The following STK31 variants were observed in gnomAD, a reference collection of about 807,000 sequenced individuals.
STK31 encodes the protein serine/threonine-protein kinase 31.
Under a neutral mutation model 129.7 loss-of-function variants are expected in STK31, and 89 were observed. The observed-to-expected ratio is 0.69, with a 90% CI of 0.58 to 0.82. The LOEUF is 0.82. STK31 is among the 40% of genes least tolerant of loss of function. STK31 has a pLI of 0.00. For missense variants in STK31, 1,187 were observed against 1,176.4 expected, an observed-to-expected ratio of 1.01 and a Z score of -0.13; for synonymous variants, 448 against 395.3, an observed-to-expected ratio of 1.13 and a Z score of -1.58.
chr7:23,782,680 C>T (rs996448355), intron 16 of STK31, among the ~76,000 whole-genome samples: 4 of 151,988 alleles, frequency 2.6e-5, no homozygotes, highest in African/African-American at 7.2e-5. Flanking sequence ...GCTTTTCTTT[C>T]GTGAGGGTAC....
chr7:23,717,430 C>A, intron 3 of STK31, 51 bp from the exon 4 acceptor site: 2 of 1,303,902 alleles, frequency 1.5e-6, no homozygotes, highest in South Asian at 1.3e-5. Context: ...AAGCGTGTAA[C>A]ACTGTAAAAT....
At chr7:23,809,263 C>T (rs1353165988) in intron 22 of STK31, among the ~76,000 whole-genome samples, 1 of 151,516 alleles carries the variant, frequency 6.6e-6, no homozygotes, top group East Asian at 2.0e-4. Flanking sequence ...CACTGCATTA[C>T]TTTAATTGAG....
intron 18 of STK31, among the ~76,000 whole-genome samples, chr7:23,785,815 C>T (rs563206982): frequency 5.5e-4 from 51 of 91,954 alleles, no homozygotes; most frequent in African/African-American, 1.9e-3. Flanking sequence ...GGACACAGGG[C>T]GGGGAACATC....
chr7:23,759,110 C>G (rs1240038698), intron 10 of STK31, among the ~76,000 whole-genome samples: 2 of 152,134 alleles, frequency 1.3e-5, no homozygotes, highest in Non-Finnish European at 2.9e-5. Context: ...TATATGCACC[C>G]AAGGAGCACC....
At chr7:23,805,060 C>A (rs1391766673) in intron 22 of STK31, among the ~76,000 whole-genome samples, 2 of 150,924 alleles carry the variant, frequency 1.3e-5, no homozygotes, top group Admixed American at 1.3e-4. Context: ...GTAAAACATT[C>A]TTTCTCATTT....
In STK31 at chr7:23,769,100, G is replaced by A. The variant is rs1455910877; in HGVS notation, c.1522G>A (p.Glu508Lys). ...FYDWKCDKREEFTSVRSETDA... is the reference protein window; with the variant it reads ...FYDWKCDKREKFTSVRSETDA... ...TGACTGGAAGTGTGATAAAAGAGAG[G>A]AGTTCACCAGTGTTAGAAGTGAAAC... The change falls in exon 12 of 24, where the codon GAG becomes AAG. Residue 508 changes from glutamate to lysine, a missense_variant. Glu to Lys is a moderately conservative substitution (Grantham distance 56). Transcript: ENST00000355870. The A allele has an allele frequency of 6.8e-6, 11 of 1,612,998 alleles. No individual in the cohort carries two copies. Among genetic ancestry groups the A allele is most frequent in the Non-Finnish European group, 9.3e-6 (11 of 1,179,412 alleles).
chr7:23,726,896 C>T (rs1393994788), intron 4 of STK31, among the ~76,000 whole-genome samples: 6 of 151,936 alleles, frequency 3.9e-5, no homozygotes, highest in Non-Finnish European at 7.4e-5. Context: ...TACCAATTAT[C>T]GCCTCAGATA....
chr7:23,748,757 T>C (rs1359286096), intron 8 of STK31, among the ~76,000 whole-genome samples: 1 of 152,244 alleles, frequency 6.6e-6, no homozygotes, highest in Non-Finnish European at 1.5e-5. Context: ...CAGTATATAA[T>C]ACATATAACA....
intron 22 of STK31, among the ~76,000 whole-genome samples, chr7:23,792,264 GAACA>G (rs957111617): frequency 1.3e-5 from 2 of 152,096 alleles, no homozygotes; most frequent in African/African-American, 4.8e-5. Flanking sequence ...AAAGCTACTA[GAACA>G]AATGAGTTTA....
chr7:23,710,219 G>A lies in STK31; in HGVS notation c.-67G>A, dbSNP rs1470351241. 4 of 1,610,658 alleles carry A rather than the reference G, an allele frequency of 2.5e-6. No individual in the cohort carries two copies. The highest frequency in any genetic ancestry group is 2.2e-5 in the East Asian group (1 of 44,858). Reference sequence around the variant, plus strand: ...CACGCAGGCGCAGTGTGGGGCCCTTGCGGTCGAAGCTCACGCGGTAAGCCG... The same window carrying A: ...CACGCAGGCGCAGTGTGGGGCCCTTACGGTCGAAGCTCACGCGGTAAGCCG... On this transcript the variant is annotated 5_prime_UTR_variant, in exon 1 of 24. Coordinates refer to ENST00000355870, the MANE Select transcript of STK31 (RefSeq NM_031414.5).
In STK31 at chr7:23,717,595, G is replaced by A; in HGVS notation, c.249+16G>A. On this transcript the variant is annotated intron_variant, in intron 4 of 23. Transcript: ENST00000355870. ...CCCAAACAAGGTGAGCCATATTCTT[G>A]AATATAATTATTTCATTCCTCCTGT... The A allele has an allele frequency of 6.3e-7, 1 of 1,574,962 alleles. No homozygotes were observed. The highest frequency in any genetic ancestry group is 1.1e-5 in the South Asian group (1 of 88,614).
intron 16 of STK31, among the ~76,000 whole-genome samples, chr7:23,783,183 G>T (rs1354170109): frequency 3.3e-5 from 5 of 152,306 alleles, no homozygotes; most frequent in Non-Finnish European, 7.4e-5. Flanking sequence ...TTACAGATTG[G>T]TGTTTGCCTT....
chr7:23,794,659 G>T (rs950532177), intron 22 of STK31, among the ~76,000 whole-genome samples: 1 of 152,198 alleles, frequency 6.6e-6, no homozygotes, highest in African/African-American at 2.4e-5. Context: ...AATGCTGATA[G>T]TGATATGGCC....
At chr7:23,767,790 C>T (rs1178197806) in intron 11 of STK31, among the ~76,000 whole-genome samples, 3 of 152,156 alleles carry the variant, frequency 2.0e-5, no homozygotes, top group African/African-American at 7.2e-5. Flanking sequence ...ACAGGTAATT[C>T]TGTGCTGTGA....
chr7:23,723,692 GGGA>G (rs1229402639), intron 4 of STK31, among the ~76,000 whole-genome samples: 3 of 152,096 alleles, frequency 2.0e-5, no homozygotes, highest in African/African-American at 7.2e-5. Flanking sequence ...GTGGAGTTGT[GGGA>G]GGAGAAGATT....
chr7:23,771,414 T>G (rs1790185492), intron 14 of STK31: 1 of 194,042 alleles, frequency 5.2e-6, no homozygotes, highest in South Asian at 1.6e-4. Context: ...AATAAAACAT[T>G]GCTTATAATT....
intron 22 of STK31, chr7:23,811,482 C>CA (rs2128125700): frequency 3.2e-6 from 1 of 307,988 alleles, no homozygotes; most frequent in African/African-American, 2.2e-5. Flanking sequence ...TCAGTACCTT[C>CA]ACCCTTGGGT....
At chr7:23,754,930 T>A (rs1411894885) in intron 10 of STK31, 1 of 155,998 alleles carries the variant, frequency 6.4e-6, no homozygotes, top group Admixed American at 6.3e-5. Context: ...TCCAAGTCTT[T>A]GCCATTGTGA....
intron 1 of STK31, among the ~76,000 whole-genome samples, chr7:23,711,218 C>G (rs1263400054): frequency 6.6e-6 from 1 of 152,078 alleles, no homozygotes; most frequent in African/African-American, 2.4e-5. Flanking sequence ...GTGGGCAAAT[C>G]ACAAGGTCAG....
Sources: allele counts gnomAD v4.1 joint callset (sites outside exome capture counted in the v4.1 genomes callset), GRCh38; gene constraint gnomAD v4.1.1; transcripts MANE v1.5; gene names NCBI Gene and HGNC (gene_info 2026-07-23, HGNC 2026-07-21).